ADARB1: variants seen among roughly 807,000 people sequenced by gnomAD.
ADARB1 encodes adenosine deaminase RNA specific B1.
A neutral mutation model predicts 52.4 loss-of-function variants in ADARB1; 10 were observed. That is an observed-to-expected ratio of 0.19 (90% CI 0.12 to 0.32). ADARB1 has a LOEUF of 0.32. Among genes scored for constraint, ADARB1 ranks in the 10% least tolerant of loss-of-function variants. The probability of loss-of-function intolerance (pLI) is 1.00; values close to 1 mark genes in which losing one functional copy is unlikely to be tolerated. For missense variants in ADARB1, 643 were observed against 922.3 expected (o/e 0.70, Z 3.92); for synonymous variants, 349 against 371.1 (o/e 0.94, Z 0.68).
chr21:45,094,738 GA>G (rs2086689128), intron 1 of ADARB1, among the ~76,000 whole-genome samples: 1 of 152,100 alleles, frequency 6.6e-6, no homozygotes, highest in Non-Finnish European at 1.5e-5. Context: ...TGAGGGGAGA[GA>G]GGGGGGCAAA....
At chr21:45,169,780 C>G (rs1286266062) in intron 2 of ADARB1, among the ~76,000 whole-genome samples, 2 of 152,202 alleles carry the variant, frequency 1.3e-5, no homozygotes, top group Middle Eastern at 3.2e-3. Flanking sequence ...AGCGCCTTGC[C>G]ATCACTTTGC....
chr21:45,107,485 G>C (rs1240468395), intron 1 of ADARB1, among the ~76,000 whole-genome samples: 1 of 152,114 alleles, frequency 6.6e-6, no homozygotes, highest in East Asian at 1.9e-4. Flanking sequence ...ATGGAAAATA[G>C]TGTGGCAAGG....
chr21:45,108,007 GC>G (rs1354464437), intron 1 of ADARB1, among the ~76,000 whole-genome samples: 2 of 152,180 alleles, frequency 1.3e-5, no homozygotes, highest in Non-Finnish European at 2.9e-5. Flanking sequence ...GTTGCAATGA[GC>G]CATGATGGTG....
At chr21:45,112,204 C>T (rs928791473) in intron 1 of ADARB1, among the ~76,000 whole-genome samples, 2 of 152,224 alleles carry the variant, frequency 1.3e-5, no homozygotes, top group Non-Finnish European at 1.5e-5. Flanking sequence ...TGTCTCTGCA[C>T]ACCTCATGTC....
In ADARB1 at chr21:45,154,807, G is replaced by A. The variant is rs182648985; in HGVS notation, c.-47-16803G>A. ...AGCAGACACTGCCACCCTGGCAGAT[G>A]CTGCCAGCACGAGACCTGGGAGAGG... On this transcript the variant is annotated intron_variant, in intron 2 of 10. Transcript: ENST00000348831. Among the ~76,000 whole-genome samples the A allele has an allele frequency of 3.7e-4, 56 of 152,330 alleles. 2 individuals are homozygous for A. The highest frequency in any genetic ancestry group is 3.7e-3 in the Admixed American group (56 of 15,304).
intron 1 of ADARB1, chr21:45,120,915 G>C (rs559506810): frequency 6.6e-6 from 1 of 152,340 alleles, no homozygotes; most frequent in Admixed American, 6.5e-5. Flanking sequence ...TCGCTGTTCA[G>C]TGCGTTGATC....
At chr21:45,079,684 CTAATG>C (rs1003086212) in intron 1 of ADARB1, among the ~76,000 whole-genome samples, 36 of 152,162 alleles carry the variant, frequency 2.4e-4, no homozygotes, top group East Asian at 1.9e-4. Flanking sequence ...TGTTGAGTTG[CTAATG>C]TAAAGTACCT....
chr21:45,151,142 A>G (rs1466138856), intron 2 of ADARB1, among the ~76,000 whole-genome samples: 3 of 152,332 alleles, frequency 2.0e-5, no homozygotes, highest in African/African-American at 7.2e-5. Flanking sequence ...CATCTCTGGT[A>G]CTGGCTTGAG....
chr21:45,176,227 C>T lies in ADARB1; in HGVS notation c.526C>T (p.Leu176Phe), dbSNP rs1353455607. 2.5e-6 allele frequency: 4 copies of T among 1,614,256 alleles called. No individual in the cohort carries two copies. In the South Asian group the frequency reaches 4.4e-5, roughly 18 times the overall value. ...TSDQADFPDTLFNGFETPDKA... is the reference protein window; with the variant it reads ...TSDQADFPDTFFNGFETPDKA... ...TGACCAGGCCGACTTCCCTGACACGCTCTTCAATGGTTTTGAAACTCCTGA... is the reference window on the plus strand; with the variant it reads ...TGACCAGGCCGACTTCCCTGACACGTTCTTCAATGGTTTTGAAACTCCTGA... The change falls in exon 4 of 11, where the codon CTC becomes TTC. Residue 176 changes from leucine to phenylalanine, a missense_variant. Leu to Phe is a conservative substitution (Grantham distance 22). Around this residue, in one of 2 missense-constraint regions of ADARB1, gnomAD observed 380 missense variants for 446.5 expected, o/e 0.85. Coordinates refer to ENST00000348831, the MANE Select transcript of ADARB1 (RefSeq NM_001112.4). This position sits in a 1 kb window ranked among gnomAD's most constrained non-coding sequence, Gnocchi z 5.8.
chr21:45,223,284 T>C lies in ADARB1; in HGVS notation c.*1087T>C. Reference sequence around the variant, plus strand: ...GTTTGAAAAATAAAAAGCATCCAAGTGAGAGCTGGTGAGACCACGTGCTGC... The same window carrying C: ...GTTTGAAAAATAAAAAGCATCCAAGCGAGAGCTGGTGAGACCACGTGCTGC... On this transcript the variant is annotated 3_prime_UTR_variant, in exon 11 of 11. Transcript: ENST00000348831. 1.0e-6 allele frequency: 1 copy of C among 985,452 alleles called. No individual in the cohort carries two copies. Among genetic ancestry groups the C allele is most frequent in the Non-Finnish European group, 1.2e-6 (1 of 829,926 alleles). The allele number at this position is 985,452 out of a possible 1,614,324, so 61.0% of individuals were successfully genotyped here.
At position 45,208,111 on chromosome 21, in the gene ADARB1, T is replaced by G. The variant is rs764949288; in HGVS notation, c.1747+3375T>G. Among the ~76,000 whole-genome samples the G allele has an allele frequency of 3.3e-5, 5 of 152,138 alleles. No individual in the cohort carries two copies. Among genetic ancestry groups the G allele is most frequent in the Non-Finnish European group, 7.4e-5 (5 of 68,026 alleles). Reference sequence around the variant, plus strand: ...TCAAATGAGTTTCACATCCAGCACTTGCAAGTTTCAGGACAATTCCAGCTT... The same window carrying G: ...TCAAATGAGTTTCACATCCAGCACTGGCAAGTTTCAGGACAATTCCAGCTT... On this transcript the variant is annotated intron_variant, in intron 9 of 10. Transcript: ENST00000348831. The surrounding 1 kb of genome is among the most constrained non-coding windows in gnomAD (Gnocchi z 5.6).
intron 1 of ADARB1, among the ~76,000 whole-genome samples, chr21:45,104,385 G>A (rs973773072): frequency 1.3e-5 from 2 of 152,164 alleles, no homozygotes; most frequent in African/African-American, 4.8e-5. Flanking sequence ...TGTTGCTACT[G>A]TACCCATTTG....
intron 5 of ADARB1, among the ~76,000 whole-genome samples, chr21:45,181,283 C>T (rs1243679996): frequency 6.6e-6 from 1 of 152,200 alleles, no homozygotes; most frequent in Non-Finnish European, 1.5e-5. Flanking sequence ...CTATCAGACT[C>T]TGCAGCCCTC....
chr21:45,094,483 T>C (rs1370788364), intron 1 of ADARB1, among the ~76,000 whole-genome samples: 1 of 152,214 alleles, frequency 6.6e-6, no homozygotes, highest in African/African-American at 2.4e-5. Flanking sequence ...TTGGTTGTTT[T>C]GGCACCACTA....
chr21:45,168,570 T>G (rs2091347746), intron 2 of ADARB1, among the ~76,000 whole-genome samples: 1 of 152,232 alleles, frequency 6.6e-6, no homozygotes, highest in Non-Finnish European at 1.5e-5. Flanking sequence ...CTTCACGAAA[T>G]TGCTTTTGCA....
chr21:45,125,362 T>C (rs2088506870), intron 1 of ADARB1, among the ~76,000 whole-genome samples: 1 of 152,228 alleles, frequency 6.6e-6, no homozygotes, highest in African/African-American at 2.4e-5. Flanking sequence ...TTCTTCTCAG[T>C]GTCCTGTATG....
intron 7 of ADARB1, 86 bp from the exon 8 acceptor site, chr21:45,184,837 T>A: frequency 7.2e-7 from 1 of 1,380,818 alleles, no homozygotes; most frequent in Non-Finnish European, 1.0e-6. Context: ...GTATTTTAAA[T>A]TTATAAGCTA....
intron 1 of ADARB1, among the ~76,000 whole-genome samples, chr21:45,080,875 A>G (rs529003847): frequency 1.3e-5 from 2 of 152,308 alleles, no homozygotes; most frequent in East Asian, 1.9e-4. Context: ...GGCCTGTTGC[A>G]TGTATATGTT....
intron 8 of ADARB1, among the ~76,000 whole-genome samples, chr21:45,192,078 T>G (rs1459113550): frequency 6.6e-6 from 1 of 151,850 alleles, no homozygotes; most frequent in East Asian, 1.9e-4. Flanking sequence ...GGTTTGAGGC[T>G]TCTTTGAAAT....
Sources: allele counts gnomAD v4.1 joint callset (sites outside exome capture counted in the v4.1 genomes callset), GRCh38; gene constraint gnomAD v4.1.1; regional missense constraint gnomAD v4.1.1; non-coding constraint Gnocchi (gnomAD v3.1); transcripts MANE v1.5; gene names NCBI Gene and HGNC (gene_info 2026-07-23, HGNC 2026-07-21).